The following SLC30A8 variants were observed in gnomAD, a reference collection of about 807,000 sequenced individuals.
The protein encoded by SLC30A8 is solute carrier family 30 member 8.
Under a neutral mutation model 36.9 loss-of-function variants are expected in SLC30A8, and 27 were observed. The observed-to-expected ratio is 0.73, with a 90% CI of 0.54 to 1.01. The LOEUF (loss-of-function observed/expected upper bound fraction) is 1.01. Among genes scored for constraint, SLC30A8 ranks in the 50% least tolerant of loss-of-function variants. SLC30A8 has a pLI of 0.00. For missense variants in SLC30A8, 439 were observed against 452.0 expected (o/e 0.97, Z 0.26); for synonymous variants, 164 against 172.4 (o/e 0.95, Z 0.38).
At chr8:117,129,286 C>T (rs754088181) in intron 2 of SLC30A8, among the ~76,000 whole-genome samples, 1 of 151,848 alleles carries the variant, frequency 6.6e-6, no homozygotes, top group Non-Finnish European at 1.5e-5. Flanking sequence ...TAGTTGGGAG[C>T]CTTGTGTTTA....
intron 2 of SLC30A8, among the ~76,000 whole-genome samples, chr8:117,070,160 A>G (rs1818286483): frequency 1.3e-5 from 2 of 152,308 alleles, no homozygotes; most frequent in South Asian, 4.1e-4. Context: ...ATGATTGCTG[A>G]GAAACAAAAC....
intron 2 of SLC30A8, among the ~76,000 whole-genome samples, chr8:117,088,434 C>T (rs1818966109): frequency 6.6e-6 from 1 of 152,124 alleles, no homozygotes; most frequent in African/African-American, 2.4e-5. Flanking sequence ...AAGCTACAGC[C>T]TTCCAACCAT....
chr8:116,985,252 A>G (rs1815401175), intron 1 of SLC30A8, among the ~76,000 whole-genome samples: 3 of 150,320 alleles, frequency 2.0e-5, no homozygotes, highest in South Asian at 2.1e-4. Flanking sequence ...TCTTTCTAGA[A>G]TTTCTCTAAG....
chr8:117,050,274 A>G (rs959424218), intron 2 of SLC30A8, among the ~76,000 whole-genome samples: 1 of 152,120 alleles, frequency 6.6e-6, no homozygotes, highest in Non-Finnish European at 1.5e-5. Context: ...TTTGCTCTCT[A>G]TAGAGCAGTA....
chr8:117,029,482 C>G (rs1397134016), intron 1 of SLC30A8, among the ~76,000 whole-genome samples: 1 of 152,148 alleles, frequency 6.6e-6, no homozygotes, highest in Non-Finnish European at 1.5e-5. Context: ...AGAAGAAAGA[C>G]AACCACAGAA....
chr8:117,006,655 T>C (rs1006966817), intron 1 of SLC30A8, among the ~76,000 whole-genome samples: 2 of 152,064 alleles, frequency 1.3e-5, no homozygotes, highest in Admixed American at 1.3e-4. Flanking sequence ...GTCATCAGTC[T>C]ACCATGTCTG....
intron 2 of SLC30A8, among the ~76,000 whole-genome samples, chr8:117,082,213 A>G (rs189986333): frequency 3.5e-4 from 54 of 152,326 alleles, no homozygotes; most frequent in Admixed American, 1.8e-3. Context: ...AATACCATGT[A>G]TGCAGTGATC....
intron 1 of SLC30A8, among the ~76,000 whole-genome samples, chr8:117,021,887 G>T (rs1472076897): frequency 1.3e-5 from 2 of 152,066 alleles, no homozygotes; most frequent in Admixed American, 6.5e-5. Flanking sequence ...TGACGGAAGG[G>T]CTGCTGCAGA....
intron 1 of SLC30A8, among the ~76,000 whole-genome samples, chr8:117,141,592 G>T (rs183615924): frequency 3.0e-4 from 46 of 152,202 alleles, no homozygotes; most frequent in African/African-American, 9.6e-4. Flanking sequence ...GTGGTGTTTG[G>T]TTACATGGAT....
chr8:116,970,530 G>A (rs550976226), intron 1 of SLC30A8, among the ~76,000 whole-genome samples: 5 of 152,254 alleles, frequency 3.3e-5, no homozygotes, highest in Non-Finnish European at 5.9e-5. Context: ...AGCACAGTAG[G>A]TTTGCCTACA....
chr8:117,109,433 A>T (rs542835227), intron 2 of SLC30A8, among the ~76,000 whole-genome samples: 2 of 152,280 alleles, frequency 1.3e-5, no homozygotes, highest in African/African-American at 4.8e-5. Flanking sequence ...GTAGGAACAA[A>T]GTTCTTAACT....
intron 1 of SLC30A8, among the ~76,000 whole-genome samples, chr8:116,982,483 A>G (rs1815301549): frequency 6.6e-6 from 1 of 152,208 alleles, no homozygotes; most frequent in African/African-American, 2.4e-5. Context: ...AAAGAGAGAT[A>G]AAATACTTCT....
chr8:117,054,536 CAGA>C (rs1393663303), intron 2 of SLC30A8, among the ~76,000 whole-genome samples: 2 of 152,218 alleles, frequency 1.3e-5, no homozygotes, highest in East Asian at 3.9e-4. Context: ...TGCAAACATA[CAGA>C]AGAATACTGA....
upstream of SLC30A8, among the ~76,000 whole-genome samples, chr8:117,134,438 G>A (rs184859034): frequency 6.6e-6 from 1 of 152,124 alleles, no homozygotes; most frequent in Non-Finnish European, 1.5e-5. Context: ...TATTTGGGAA[G>A]GAAAGTGCTT....
At chr8:117,062,295 A>G (rs1486271611) in intron 2 of SLC30A8, among the ~76,000 whole-genome samples, 1 of 152,154 alleles carries the variant, frequency 6.6e-6, no homozygotes, top group East Asian at 1.9e-4. Flanking sequence ...TAATTTATGA[A>G]GAAAAGAAGT....
intron 4 of SLC30A8, among the ~76,000 whole-genome samples, chr8:117,159,108 A>G (rs1057227575): frequency 2.0e-5 from 3 of 152,158 alleles, no homozygotes; most frequent in Non-Finnish European, 4.4e-5. Context: ...CAAGAACATG[A>G]ATTTCCTTCT....
intron 4 of SLC30A8, among the ~76,000 whole-genome samples, chr8:117,161,400 C>CA (rs11441029): frequency 0.41 from 61,590 of 152,034 alleles, 15,490 homozygotes; most frequent in African/African-American, 0.72. Flanking sequence ...GCCTGACAGT[C>CA]AGTCAACCTT....
At chr8:116,963,395 A>G (rs1176000617) in intron 1 of SLC30A8, among the ~76,000 whole-genome samples, 1 of 152,044 alleles carries the variant, frequency 6.6e-6, no homozygotes, top group African/African-American at 2.4e-5. Context: ...GAACATTTTC[A>G]TCACCCCCAA....
intron 2 of SLC30A8, among the ~76,000 whole-genome samples, chr8:117,152,322 G>A (rs1391362648): frequency 6.6e-6 from 1 of 152,128 alleles, no homozygotes; most frequent in African/African-American, 2.4e-5. Flanking sequence ...GAAAAGCCAG[G>A]CAGGACTCTC....
Sources: allele counts gnomAD v4.1 joint callset (sites outside exome capture counted in the v4.1 genomes callset), GRCh38; gene constraint gnomAD v4.1.1; transcripts MANE v1.5; gene names NCBI Gene and HGNC (gene_info 2026-07-23, HGNC 2026-07-21).